The following CTNNA3 variants were observed in gnomAD, a reference collection of about 807,000 sequenced individuals.
CTNNA3 encodes catenin alpha 3.
In CTNNA3, 76 loss-of-function variants were observed where a neutral mutation model predicts 95.7. The observed-to-expected ratio is 0.79, with a 90% CI of 0.66 to 0.96. CTNNA3 has a LOEUF of 0.96. CTNNA3 is among the 40% of genes least tolerant of loss of function. CTNNA3 has a pLI of 0.00. For synonymous variants in CTNNA3, 431 were observed against 374.4 expected (o/e 1.15, Z -1.74); for missense variants, 1,191 against 1,089.8 (o/e 1.09, Z -1.31).
chr10:67,186,786 T>C (rs537429634), intron 6 of CTNNA3, among the ~76,000 whole-genome samples: 2 of 152,304 alleles, frequency 1.3e-5, no homozygotes, highest in East Asian at 3.9e-4. Flanking sequence ...TTTTCCTTTT[T>C]TAAGGTTCCA....
upstream of CTNNA3, among the ~76,000 whole-genome samples, chr10:67,700,800 A>G (rs1182559763): frequency 6.6e-6 from 1 of 152,066 alleles, no homozygotes; most frequent in Non-Finnish European, 1.5e-5. Flanking sequence ...AGTTGAGAGA[A>G]GAAGGCTTCA....
intron 15 of CTNNA3, among the ~76,000 whole-genome samples, chr10:65,996,391 C>T (rs964182698): frequency 6.6e-6 from 1 of 152,106 alleles, no homozygotes; most frequent in African/African-American, 2.4e-5. Context: ...GTGCTGAGGA[C>T]CCTGCTGTTC....
At chr10:66,189,547 G>T in intron 13 of CTNNA3, among the ~76,000 whole-genome samples, 1 of 147,328 alleles carries the variant, frequency 6.8e-6, no homozygotes, top group Non-Finnish European at 1.5e-5. Context: ...ATGTTCTGTT[G>T]CTCTATGTTC....
chr10:66,207,101 G>A (rs2087810657), intron 13 of CTNNA3, among the ~76,000 whole-genome samples: 1 of 151,610 alleles, frequency 6.6e-6, no homozygotes, highest in South Asian at 2.1e-4. Context: ...CACTTTAAAA[G>A]AGAAAGATTA....
chr10:66,781,015 G>A (rs560374499), intron 7 of CTNNA3, among the ~76,000 whole-genome samples: 115 of 152,224 alleles, frequency 7.6e-4, no homozygotes, highest in African/African-American at 2.6e-3. Flanking sequence ...ACATGTGTGT[G>A]TAATACGAAG....
At chr10:65,951,405 G>A (rs190502412) in intron 17 of CTNNA3, among the ~76,000 whole-genome samples, 2 of 152,230 alleles carry the variant, frequency 1.3e-5, no homozygotes, top group Admixed American at 1.3e-4. Flanking sequence ...ATAATTTGGG[G>A]TCCAGCAGCT....
chr10:66,984,570 A>T (rs955734529), intron 7 of CTNNA3, among the ~76,000 whole-genome samples: 3 of 152,180 alleles, frequency 2.0e-5, no homozygotes, highest in Non-Finnish European at 4.4e-5. Flanking sequence ...CTGCTACATA[A>T]ACTTGATCTT....
At chr10:66,309,946 TAA>T in intron 12 of CTNNA3, among the ~76,000 whole-genome samples, 1 of 111,312 alleles carries the variant, frequency 9.0e-6, no homozygotes, top group Non-Finnish European at 1.9e-5. Context: ...AATAAATAAA[TAA>T]ATAAATAAAA....
chr10:66,204,173 T>G (rs2087611826), intron 13 of CTNNA3, among the ~76,000 whole-genome samples: 1 of 152,108 alleles, frequency 6.6e-6, no homozygotes, highest in South Asian at 2.1e-4. Context: ...AGAATGAAAA[T>G]GAACTACTCA....
intron 5 of CTNNA3, among the ~76,000 whole-genome samples, chr10:67,502,572 C>G (rs987256332): frequency 2.6e-5 from 4 of 152,176 alleles, no homozygotes; most frequent in Non-Finnish European, 4.4e-5. Flanking sequence ...TGCCCACAGC[C>G]ACCCCTTCCC....
At chr10:67,525,868 T>G (rs1342591286) in intron 4 of CTNNA3, among the ~76,000 whole-genome samples, 2 of 152,186 alleles carry the variant, frequency 1.3e-5, no homozygotes, top group Non-Finnish European at 2.9e-5. Flanking sequence ...TATTTAATAT[T>G]TCATGCATTT....
At chr10:67,129,183 C>T (rs1314072684) in intron 7 of CTNNA3, among the ~76,000 whole-genome samples, 1 of 152,082 alleles carries the variant, frequency 6.6e-6, no homozygotes, top group Admixed American at 6.5e-5. Context: ...CTGTACTATG[C>T]CTGTGACAGT....
At chr10:65,932,112 C>T (rs776320634) in intron 17 of CTNNA3, among the ~76,000 whole-genome samples, 6 of 152,124 alleles carry the variant, frequency 3.9e-5, no homozygotes, top group Non-Finnish European at 7.4e-5. Context: ...AGAATAGGGA[C>T]TCTGGAGGTA....
chr10:65,977,660 T>C (rs1490599476), intron 16 of CTNNA3, among the ~76,000 whole-genome samples: 1 of 152,068 alleles, frequency 6.6e-6, no homozygotes, highest in Non-Finnish European at 1.5e-5. Context: ...CTCGTACCTA[T>C]AGTCCCAGCT....
intron 5 of CTNNA3, among the ~76,000 whole-genome samples, chr10:67,504,451 A>AAAAAAAAAAAAC (rs1564699349): frequency 2.1e-5 from 3 of 143,596 alleles, no homozygotes; most frequent in Non-Finnish European, 4.6e-5. Flanking sequence ...AAAAAAAAAA[A>AAAAAAAAAAAAC]AAAAAAAAAC....
intron 6 of CTNNA3, among the ~76,000 whole-genome samples, chr10:67,198,827 A>T (rs1235700865): frequency 6.6e-6 from 1 of 152,184 alleles, no homozygotes; most frequent in African/African-American, 2.4e-5. Context: ...GGTCAGAAAA[A>T]TGTTAAACCA....
chr10:66,760,792 C>T (rs1358766672), intron 9 of CTNNA3, among the ~76,000 whole-genome samples: 1 of 152,086 alleles, frequency 6.6e-6, no homozygotes, highest in East Asian at 1.9e-4. Context: ...AGTAAAAGGA[C>T]TAAGATGCTG....
chr10:67,700,127 G>A (rs1161823897), upstream of CTNNA3, among the ~76,000 whole-genome samples: 3 of 152,262 alleles, frequency 2.0e-5, no homozygotes, highest in South Asian at 2.1e-4. Context: ...CAGGAAGCTC[G>A]AAATGGGTGG....
intron 7 of CTNNA3, among the ~76,000 whole-genome samples, chr10:67,147,489 T>A (rs1860900982): frequency 6.6e-6 from 1 of 152,210 alleles, no homozygotes; most frequent in African/African-American, 2.4e-5. Context: ...ATGTATTCTT[T>A]TCTTCCAGGG....
Sources: gnomAD v4.1 joint callset for allele counts (sites outside exome capture counted in the v4.1 genomes callset) on GRCh38, gnomAD v4.1.1 for gene constraint, MANE v1.5 for transcripts, NCBI Gene and HGNC (gene_info 2026-07-23, HGNC 2026-07-21) for gene names.